Variants in TRIM13 observed in about 807,000 individuals in gnomAD.
TRIM13 encodes tripartite motif containing 13, also known as E3 ubiquitin-protein ligase TRIM13.
TRIM13 carries 15 observed loss-of-function variants against 27.1 expected under a neutral mutation model. That is an observed-to-expected ratio of 0.55 (90% CI 0.37 to 0.85). TRIM13 has a LOEUF of 0.85. TRIM13 is among the 40% of genes least tolerant of loss of function. The pLI is 0.00. For missense variants in TRIM13, 402 were observed against 472.2 expected (o/e 0.85, Z 1.38); for synonymous variants, 193 against 171.5 (o/e 1.13, Z -0.98).
Position 50,015,626 on chromosome 13 carries a change from G to T in TRIM13, c.*2462G>T, listed in dbSNP as rs140212682. The T allele has an allele frequency of 1.2e-5, 20 of 1,614,002 alleles. No homozygotes were observed. The highest frequency in any genetic ancestry group is 1.5e-5 in the Non-Finnish European group (18 of 1,179,980). ...TGGCAGAGACCAAGAATTCAAGATGGTTGGTGGCCAGATTTTTGTAGACAG... is the reference window on the plus strand; with the variant it reads ...TGGCAGAGACCAAGAATTCAAGATGTTTGGTGGCCAGATTTTTGTAGACAG... On this transcript the variant is annotated 3_prime_UTR_variant, in exon 2 of 2. Transcript: ENST00000378182.
At chr13:50,004,602 A>G (rs1191560912) in intron 1 of TRIM13, among the ~76,000 whole-genome samples, 1 of 152,046 alleles carries the variant, frequency 6.6e-6, no homozygotes, top group East Asian at 1.9e-4. Flanking sequence ...GTCTCTACTA[A>G]AAACACAAAA....
At chr13:50,009,736 C>CAAAAAAAAAAAAAAAAAAA (rs35561642) in intron 1 of TRIM13, among the ~76,000 whole-genome samples, 3 of 101,162 alleles carry the variant, frequency 3.0e-5, no homozygotes, top group Admixed American at 1.2e-4. Context: ...GACTCCGTCT[C>CAAAAAAAAAAAAAAAAAAA]AAAAAAAAAA....
intron 1 of TRIM13, among the ~76,000 whole-genome samples, chr13:49,998,458 T>G (rs1208721747): frequency 6.6e-6 from 1 of 152,216 alleles, no homozygotes; most frequent in African/African-American, 2.4e-5. Flanking sequence ...ACAGTTCAAG[T>G]TTAGAACCTT....
intron 1 of TRIM13, among the ~76,000 whole-genome samples, chr13:50,009,147 T>C (rs965806426): frequency 6.6e-6 from 1 of 151,762 alleles, no homozygotes; most frequent in Non-Finnish European, 1.5e-5. Flanking sequence ...ATAAACCCAT[T>C]ACAAGTTAAC....
chr13:50,012,306 G>A lies in TRIM13; in HGVS notation c.366G>A (p.Glu122=). ...LICGICATRG[E]HTKHVFCSIE... ...GTGGGATCTGTGCTACTCGTGGGGA[G>A]CACACCAAACATGTCTTCTGTTCTA... Residue 122 remains glutamate (E), a synonymous_variant, in exon 2 of 2, where the codon GAG becomes GAA. Coordinates refer to ENST00000378182, the MANE Select transcript of TRIM13 (RefSeq NM_213590.3). 6.2e-7 allele frequency: 1 copy of A among 1,614,178 alleles called. No individual in the cohort carries two copies. Among genetic ancestry groups the A allele is most frequent in the Non-Finnish European group, 8.5e-7 (1 of 1,180,018 alleles).
chr13:49,997,921 G>C (rs1941463646), intron 1 of TRIM13, among the ~76,000 whole-genome samples, 158 bp downstream of exon 1: 1 of 151,928 alleles, frequency 6.6e-6, no homozygotes, highest in Non-Finnish European at 1.5e-5. Context: ...TTAAAACTTA[G>C]AAAAACAGAA....
intron 1 of TRIM13, among the ~76,000 whole-genome samples, chr13:50,005,896 T>C (rs1238859723): frequency 6.6e-6 from 1 of 151,712 alleles, no homozygotes; most frequent in African/African-American, 2.4e-5. Context: ...TTTGTATTTT[T>C]AGTAGAGACG....
At chr13:50,007,927 CAG>C (rs1481439870) in intron 1 of TRIM13, among the ~76,000 whole-genome samples, 2 of 149,170 alleles carry the variant, frequency 1.3e-5, no homozygotes, top group African/African-American at 4.9e-5. Context: ...TTTTTTGAGA[CAG>C]AGTATTGCTG....
rs984052895 is a variant in TRIM13 at position 50,015,329 on chromosome 13, G to C, written c.*2165G>C. 4 of 599,190 alleles carry C rather than the reference G, an allele frequency of 6.7e-6. No homozygotes were observed. The African/African-American group carries it at 7.5e-5, about 11-fold the overall frequency. 37.1% of individuals were successfully genotyped at this position (599,190 alleles called of 1,614,324 possible). Reference sequence around the variant, plus strand: ...ACTCGAATTTGCAAACACAGCCATGGATACACTATTTACCTTACAGTAGTT... The same window carrying C: ...ACTCGAATTTGCAAACACAGCCATGCATACACTATTTACCTTACAGTAGTT... On this transcript the variant is annotated 3_prime_UTR_variant, in exon 2 of 2. Transcript: ENST00000378182.
Position 50,013,098 on chromosome 13 carries a change from C to G in TRIM13, c.1158C>G (p.Phe386Leu). The G allele has an allele frequency of 2.5e-6, 4 of 1,612,432 alleles. No individual in the cohort carries two copies. The highest frequency in any genetic ancestry group is 2.5e-6 in the Non-Finnish European group (3 of 1,179,516). Reference protein sequence around the residue: ...TDGFFIFNERFKNFTLVVLNN... With the variant: ...TDGFFIFNERLKNFTLVVLNN... ...GGTTTTTCATTTTCAATGAAAGATTCAAGAATTTTACTTTGGTGGTACTGA... is the reference window on the plus strand; with the variant it reads ...GGTTTTTCATTTTCAATGAAAGATTGAAGAATTTTACTTTGGTGGTACTGA... Residue 386 changes from phenylalanine to leucine, a missense_variant, in exon 2 of 2, where the codon TTC (phenylalanine) becomes TTG (leucine). Coordinates refer to ENST00000378182, the MANE Select transcript of TRIM13 (RefSeq NM_213590.3).
Position 50,014,352 on chromosome 13 carries a change from T to TAC in TRIM13, c.*1189_*1190insCA, listed in dbSNP as rs1876080056. 1.3e-5 allele frequency: 1 copy of TAC among 76,522 alleles called. No homozygotes were observed. The highest frequency in any genetic ancestry group is 2.0e-4 in the Admixed American group (1 of 5,050). 4.7% of individuals were successfully genotyped at this position (76,522 alleles called of 1,614,324 possible). On this transcript the variant is annotated 3_prime_UTR_variant, in exon 2 of 2. Transcript: ENST00000378182. ...AAAAAAAAAAAAAAAAAAATATATA[T>TAC]ATATATATACACACACACACACACA...
chr13:50,012,167 A>C lies in TRIM13; in HGVS notation c.227A>C (p.Lys76Thr). 2 of 1,614,168 alleles carry C rather than the reference A, an allele frequency of 1.2e-6. No homozygotes were observed. Among genetic ancestry groups the C allele is most frequent in the Non-Finnish European group, 1.7e-6 (2 of 1,180,010 alleles). ...AGCCTGCAGGTTAATTACTCCCTGA[A>C]GGGTATTGTGGAAAAGTATAACAAG... The part of the protein sequence containing the change: ...INSLQVNYSL[K>T]GIVEKYNKIK... Residue 76 changes from lysine (K) to threonine (T), a missense_variant, in exon 2 of 2, where the codon AAG becomes ACG. Physicochemically the swap from Lys to Thr is moderately conservative, Grantham distance 78. Transcript: ENST00000378182.
At position 50,015,208 on chromosome 13, in the gene TRIM13, T is replaced by C. The variant is rs906462402; in HGVS notation, c.*2044T>C. 4.9e-6 allele frequency: 1 copy of C among 202,556 alleles called. No homozygotes were observed. The highest frequency in any genetic ancestry group is 2.4e-5 in the African/African-American group (1 of 41,046). 12.5% of individuals were successfully genotyped at this position (202,556 alleles called of 1,614,324 possible). A position where few individuals can be genotyped will look rare whatever the true frequency, so the allele number is the denominator to read the frequency against. ...AATGTAAGACAGGAAAGGGATCTAT[T>C]TGATGTCTATCTTCAGATATATTGG... is the stretch of plus-strand genomic sequence containing the variant. On this transcript the variant is annotated 3_prime_UTR_variant, in exon 2 of 2. Coordinates refer to ENST00000378182, the MANE Select transcript of TRIM13 (RefSeq NM_213590.3).
chr13:50,012,891 A>G lies in TRIM13; in HGVS notation c.951A>G (p.Leu317=). ...ISKIPWSFYK[L]FLLILLLGLV... ...AGATTCCCTGGAGCTTTTATAAGTTATTTTTGCTAATCCTTCTGCTTGGCC... is the reference window on the plus strand; with the variant it reads ...AGATTCCCTGGAGCTTTTATAAGTTGTTTTTGCTAATCCTTCTGCTTGGCC... The change falls in exon 2 of 2, where the codon TTA becomes TTG. Residue 317 remains leucine, a synonymous_variant. Transcript: ENST00000378182. 6.2e-7 allele frequency: 1 copy of G among 1,613,864 alleles called. No homozygotes were observed. Among genetic ancestry groups the G allele is most frequent in the South Asian group, 1.1e-5 (1 of 91,072 alleles).
In TRIM13 at chr13:50,015,081, AAAAAAAAAAAAAAATATATATATAT is replaced by A. The variant is rs1876214214; in HGVS notation, c.*1919_*1943del. 3.0e-5 allele frequency: 1 copy of A among 33,840 alleles called. No homozygotes were observed. The highest frequency in any genetic ancestry group is 1.7e-3 in the South Asian group (1 of 602). 2.1% of individuals were successfully genotyped at this position (33,840 alleles called of 1,614,324 possible). ...GCTTTTCCCCTCCCAGTAATAAAAA[AAAAAAAAAAAAAAATATATATATAT>A]ATATATATATATATATATATATATA... is the stretch of plus-strand genomic sequence containing the variant. On this transcript the variant is annotated 3_prime_UTR_variant, in exon 2 of 2. Coordinates refer to ENST00000378182, the MANE Select transcript of TRIM13 (RefSeq NM_213590.3).
At chr13:50,000,875 A>C (rs1873944119) in intron 1 of TRIM13, 5 of 152,248 alleles carry the variant, frequency 3.3e-5, no homozygotes, top group Admixed American at 2.0e-4. Flanking sequence ...ATTTAACATG[A>C]GACCTATCCT....
chr13:50,013,068 A>T lies in TRIM13; in HGVS notation c.1128A>T (p.Thr376=). 1 of 1,613,852 alleles carries T rather than the reference A, an allele frequency of 6.2e-7. No individual in the cohort carries two copies. The change falls in exon 2 of 2, where the codon ACA becomes ACT. Residue 376 remains threonine, a synonymous_variant. Coordinates refer to ENST00000378182, the MANE Select transcript of TRIM13 (RefSeq NM_213590.3). The part of the protein sequence containing the change: ...EQSVFYWEQV[T]DGFFIFNERF... ...CAGTTTTTTACTGGGAACAGGTGAC[A>T]GATGGGTTTTTCATTTTCAATGAAA...
At chr13:50,009,755 AAAAC>A (rs1875331711) in intron 1 of TRIM13, among the ~76,000 whole-genome samples, 1 of 146,516 alleles carries the variant, frequency 6.8e-6, no homozygotes, top group African/African-American at 2.5e-5. Flanking sequence ...AAAAAAAAAA[AAAAC>A]AACAACAACA....
chr13:50,008,619 CAG>C (rs1566437946), intron 1 of TRIM13, among the ~76,000 whole-genome samples: 1 of 151,986 alleles, frequency 6.6e-6, no homozygotes, highest in African/African-American at 2.4e-5. Context: ...GCCTGGACAA[CAG>C]AGCAAGACCC....
Sources: allele counts gnomAD v4.1 joint callset (sites outside exome capture counted in the v4.1 genomes callset), GRCh38; gene constraint gnomAD v4.1.1; transcripts MANE v1.5; gene names NCBI Gene and HGNC (gene_info 2026-07-23, HGNC 2026-07-21).